BDP1: variants seen among roughly 807,000 people sequenced by gnomAD.
BDP1 encodes transcription factor TFIIIB component B'' homolog.
Under a neutral mutation model 266.6 loss-of-function variants are expected in BDP1, and 169 were observed. The observed-to-expected ratio is 0.63, with a 90% CI of 0.56 to 0.72. BDP1 has a LOEUF of 0.72. Among genes scored for constraint, BDP1 ranks in the 30% least tolerant of loss-of-function variants. BDP1 has a pLI of 0.00. For synonymous variants in BDP1, 1,090 were observed against 1,022.4 expected (o/e 1.07, Z -1.26); for missense variants, 3,015 against 3,053.8 (o/e 0.99, Z 0.30).
At position 71,489,736 on chromosome 5, in the gene BDP1, A is replaced by G. The variant is rs1483736282; in HGVS notation, c.1492+54A>G. Reference sequence around the variant, plus strand: ...CTATATTACTTGAGAAGACATGTACAGTAATATGGTATGTAACTTAATTTT... The same window carrying G: ...CTATATTACTTGAGAAGACATGTACGGTAATATGGTATGTAACTTAATTTT... On this transcript the variant is annotated intron_variant, in intron 10 of 38. Coordinates refer to ENST00000358731, the MANE Select transcript of BDP1 (RefSeq NM_018429.3). The G allele has an allele frequency of 4.8e-6, 7 of 1,467,128 alleles. No individual in the cohort carries two copies. The East Asian group carries it at 9.1e-5, about 19-fold the overall frequency. The allele number at this position is 1,467,128 out of a possible 1,614,324, so 90.9% of individuals were successfully genotyped here.
chr5:71,546,035 G>A (rs893087736), intron 32 of BDP1, among the ~76,000 whole-genome samples: 1 of 152,148 alleles, frequency 6.6e-6, no homozygotes, highest in Admixed American at 6.5e-5. Context: ...TAAGCAGTAT[G>A]AGTGGAATAT....
Position 71,545,061 on chromosome 5 carries a change from T to C in BDP1, c.6586T>C (p.Ser2196Pro), listed in dbSNP as rs1311574527. 6.2e-6 allele frequency: 10 copies of C among 1,613,406 alleles called. No individual in the cohort carries two copies. Among genetic ancestry groups the C allele is most frequent in the Non-Finnish European group, 8.5e-6 (10 of 1,179,812 alleles). The change falls in exon 32 of 39, where the codon TCT (serine) becomes CCT (proline). Residue 2196 changes from serine to proline, a missense_variant. Around this residue, in one of 3 missense-constraint regions of BDP1, gnomAD observed 629 missense variants for 632.5 expected, o/e 0.99. Coordinates refer to ENST00000358731, the MANE Select transcript of BDP1 (RefSeq NM_018429.3). ...TERNENQEES[S>P]QEVHMLSVAP... ...CAGAAACGAAAATCAAGAAGAGAGC[T>C]CTCAGGAGGTTCACATGTTGTCAGT...
chr5:71,473,609 G>A (rs1561679895), intron 7 of BDP1, among the ~76,000 whole-genome samples: 1 of 151,960 alleles, frequency 6.6e-6, no homozygotes, highest in Non-Finnish European at 1.5e-5. Flanking sequence ...TTGTTGGTGT[G>A]TTTTTATTGA....
At chr5:71,492,015 C>T (rs2150414268) in intron 11 of BDP1, among the ~76,000 whole-genome samples, 1 of 152,352 alleles carries the variant, frequency 6.6e-6, no homozygotes, top group South Asian at 2.1e-4. Context: ...AGCGCCCAGC[C>T]TCATGCAGTA....
In BDP1 at chr5:71,549,400, TAACTTTTA is replaced by T. The variant is rs1742582676; in HGVS notation, c.6809-13_6809-6del. 1 of 1,581,002 alleles carries T rather than the reference TAACTTTTA, an allele frequency of 6.3e-7. No homozygotes were observed. The highest frequency in any genetic ancestry group is 8.6e-7 in the Non-Finnish European group (1 of 1,162,250). On this transcript the variant is annotated splice_polypyrimidine_tract_variant and intron_variant, in intron 33 of 38. Transcript: ENST00000358731. Reference sequence around the variant, plus strand: ...TTTCATAGTTGAGCTTTTTTATTACTAACTTTTAAACTTTGATAGTGAATCTAGTTGCT... The same window carrying T: ...TTTCATAGTTGAGCTTTTTTATTACTAACTTTGATAGTGAATCTAGTTGCT...
At chr5:71,463,968 AG>A (rs1363288882) in intron 3 of BDP1, 89 bp from the exon 4 acceptor site, 3 of 737,176 alleles carry the variant, frequency 4.1e-6, no homozygotes, top group Non-Finnish European at 6.7e-6. Context: ...AAAAATTAGA[AG>A]TTAGAATAAT....
chr5:71,552,575 C>A (rs573828229), intron 34 of BDP1, among the ~76,000 whole-genome samples: 25 of 152,356 alleles, frequency 1.6e-4, no homozygotes, highest in African/African-American at 6.0e-4. Flanking sequence ...CCCGGCACGT[C>A]GGGAGGCCGA....
intron 34 of BDP1, 67 bp downstream of exon 34, chr5:71,549,673 G>A (rs1389071447): frequency 7.8e-7 from 1 of 1,276,270 alleles, no homozygotes; most frequent in Non-Finnish European, 1.1e-6. Flanking sequence ...AGCATTGATT[G>A]AACAAACCAT....
chr5:71,502,452 G>A (rs1024558313), intron 14 of BDP1, 147 bp from the exon 15 acceptor site: 3 of 685,038 alleles, frequency 4.4e-6, no homozygotes, highest in Non-Finnish European at 7.2e-6. Context: ...GGGATTACAG[G>A]TGCGAGCCAC....
chr5:71,536,857 G>T (rs1018799719), intron 26 of BDP1, among the ~76,000 whole-genome samples: 1 of 151,936 alleles, frequency 6.6e-6, no homozygotes, highest in Non-Finnish European at 1.5e-5. Flanking sequence ...GGTCGAGCGC[G>T]TTGGCTCACG....
intron 16 of BDP1, among the ~76,000 whole-genome samples, chr5:71,508,121 C>T (rs549182344): frequency 2.2e-4 from 33 of 152,104 alleles, no homozygotes; most frequent in African/African-American, 6.8e-4. Flanking sequence ...CGTGCCACCA[C>T]GCCCTGCTAA....
Position 71,501,596 on chromosome 5 carries a change from A to G in BDP1, c.1991A>G (p.Asp664Gly), listed in dbSNP as rs890550674. The G allele has an allele frequency of 6.2e-7, 1 of 1,607,048 alleles. No homozygotes were observed. Residue 664 changes from aspartate (D) to glycine (G), a missense_variant, in exon 14 of 39, where the codon GAC becomes GGC. Physicochemically the swap from Asp to Gly is moderately conservative, Grantham distance 94. Around this residue, in one of 3 missense-constraint regions of BDP1, gnomAD observed 2,383 missense variants for 2,404.9 expected, o/e 0.99. Transcript: ENST00000358731. Reference sequence around the variant, plus strand: ...GAAAAAGATAAAATGAATACATTGGACATTTTGAGAATGGAGACTACAGAG... The same window carrying G: ...GAAAAAGATAAAATGAATACATTGGGCATTTTGAGAATGGAGACTACAGAG... ...HVEKDKMNTL[D>G]ILRMETTERE...
chr5:71,517,747 A>T (rs1458905575), intron 22 of BDP1, among the ~76,000 whole-genome samples: 1 of 152,126 alleles, frequency 6.6e-6, no homozygotes, highest in African/African-American at 2.4e-5. Context: ...GTAGACAAAG[A>T]TTCTTAAGTT....
intron 36 of BDP1, among the ~76,000 whole-genome samples, chr5:71,557,393 T>TTTTTC (rs1743301206): frequency 1.1e-5 from 1 of 94,300 alleles, no homozygotes; most frequent in African/African-American, 3.3e-5. Flanking sequence ...TTTTTTTTTT[T>TTTTTC]TTTTTTTTTG....
intron 16 of BDP1, among the ~76,000 whole-genome samples, chr5:71,505,022 T>C (rs562597256): frequency 2.6e-5 from 4 of 152,340 alleles, no homozygotes; most frequent in African/African-American, 9.6e-5. Context: ...TATTTTACTT[T>C]TTATTTTTTG....
intron 12 of BDP1, 76 bp from the exon 13 acceptor site, chr5:71,497,194 C>A: frequency 7.4e-7 from 1 of 1,347,072 alleles, no homozygotes; most frequent in Non-Finnish European, 1.0e-6. Flanking sequence ...CTTCCTAATT[C>A]TCAGTAGGTT....
chr5:71,514,350 A>G (rs1226801849), intron 19 of BDP1, among the ~76,000 whole-genome samples: 1 of 152,222 alleles, frequency 6.6e-6, no homozygotes, highest in Non-Finnish European at 1.5e-5. Context: ...CTTTCTGATT[A>G]TAGAAATTTT....
intron 25 of BDP1, among the ~76,000 whole-genome samples, chr5:71,525,385 CG>C (rs1421462540): frequency 2.1e-5 from 3 of 145,096 alleles, no homozygotes; most frequent in Non-Finnish European, 3.1e-5. Flanking sequence ...GCTGGCCGGG[CG>C]GGGGGCTGAC....
chr5:71,475,519 A>T lies in BDP1; in HGVS notation c.1014+5030A>T, dbSNP rs78805356. The stretch of plus-strand genomic sequence containing the variant: ...TCAGTTTTACTCCAGGCCATAAATA[A>T]CGTATTAACTTTGTAATGCACAGTT... On this transcript the variant is annotated intron_variant, in intron 7 of 38. Coordinates refer to ENST00000358731, the MANE Select transcript of BDP1 (RefSeq NM_018429.3). 6.6e-3 allele frequency among the ~76,000 whole-genome samples: 999 copies of T among 152,304 alleles called. 36 individuals are homozygous for T. The East Asian group carries it at 0.087, about 13-fold the overall frequency.
Sources: allele counts gnomAD v4.1 joint callset (sites outside exome capture counted in the v4.1 genomes callset), GRCh38; gene constraint gnomAD v4.1.1; regional missense constraint gnomAD v4.1.1; transcripts MANE v1.5; gene names NCBI Gene and HGNC (gene_info 2026-07-23, HGNC 2026-07-21).